The following NUP210 variants were observed in gnomAD, a reference collection of about 807,000 sequenced individuals.
The protein encoded by NUP210 is nucleoporin 210, also known as nuclear pore membrane glycoprotein 210.
In NUP210, 151 loss-of-function variants were observed where a neutral mutation model predicts 196.0. The observed-to-expected ratio is 0.77, with a 90% CI of 0.67 to 0.88. NUP210 has a LOEUF of 0.88. Among genes scored for constraint, NUP210 ranks in the 40% least tolerant of loss-of-function variants. NUP210 has a pLI of 0.00. For missense variants in NUP210, 2,314 were observed against 2,493.7 expected (o/e 0.93, Z 1.53); for synonymous variants, 1,070 against 1,052.7 (o/e 1.02, Z -0.32).
intron 29 of NUP210, 37 bp downstream of exon 29, chr3:13,332,256 G>T: frequency 6.4e-7 from 1 of 1,553,324 alleles, no homozygotes; most frequent in Non-Finnish European, 8.9e-7. Flanking sequence ...AAGCACAGCC[G>T]CACAACTTTG....
intron 15 of NUP210, among the ~76,000 whole-genome samples, chr3:13,358,889 C>T (rs1185938730): frequency 1.3e-5 from 2 of 152,230 alleles, no homozygotes; most frequent in East Asian, 1.9e-4. Flanking sequence ...AGGGCCTGCC[C>T]TCCGCCTGCT....
At position 13,338,022 on chromosome 3, in the gene NUP210, C is replaced by T. The variant is rs191632967; in HGVS notation, c.3472-105G>A. The T allele has an allele frequency of 4.2e-4, 433 of 1,019,978 alleles. 1 individual carries two copies. The highest frequency in any genetic ancestry group is 3.5e-3 in the East Asian group (136 of 38,410). 63.2% of individuals were successfully genotyped at this position (1,019,978 alleles called of 1,614,324 possible). ...GCAGGCTGCGGCTCAGAGTCTGTGG[C>T]GAGAAGGCCCCTCAGGATGACCAGC... On this transcript the variant is annotated intron_variant, in intron 25 of 39. Coordinates refer to ENST00000254508, the MANE Select transcript of NUP210 (RefSeq NM_024923.4).
Position 13,319,116 on chromosome 3 carries a change from G to C in NUP210, c.5519C>G (p.Pro1840Arg). 6 of 1,609,092 alleles carry C rather than the reference G, an allele frequency of 3.7e-6. No individual in the cohort carries two copies. The highest frequency in any genetic ancestry group is 5.1e-6 in the Non-Finnish European group (6 of 1,177,896). ...TVCTPRDLAV[P>R]AALTPRASPG... The stretch of plus-strand genomic sequence containing the variant: ...GCTGGCTCGAGGCGTGAGGGCTGCA[G>C]GCACAGCAAGATCCCGGGGCGTGCA... Residue 1840 changes from proline (P) to arginine (R), a missense_variant, in exon 39 of 40, where the codon CCT becomes CGT. Coordinates refer to ENST00000254508, the MANE Select transcript of NUP210 (RefSeq NM_024923.4).
Position 13,379,682 on chromosome 3 carries a change from T to C in NUP210, c.857A>G (p.Gln286Arg), listed in dbSNP as rs746638562. ...MPSDQYELQL[Q>R]NSIPGPEGDP... ...TCCTTCGGGGCCCGGGATGCTGTTC[T>C]GAAGCTGCAACTCGTACTGATCGGA... The change falls in exon 7 of 40, where the codon CAG becomes CGG. Residue 286 changes from glutamine (Q) to arginine (R), a missense_variant. Coordinates refer to ENST00000254508, the MANE Select transcript of NUP210 (RefSeq NM_024923.4). The surrounding 1 kb of genome is among the most constrained non-coding windows in gnomAD (Gnocchi z 4.2). The C allele has an allele frequency of 7.3e-5, 117 of 1,613,288 alleles. 1 individual carries two copies. The highest frequency in any genetic ancestry group is 8.6e-5 in the Non-Finnish European group (102 of 1,179,722).
Position 13,350,742 on chromosome 3 carries a change from G to A in NUP210, c.2835+1137C>T, listed in dbSNP as rs1485635823. Among the ~76,000 whole-genome samples, 5 of 146,404 alleles carry A rather than the reference G, an allele frequency of 3.4e-5. No homozygotes were observed. The Admixed American group carries it at 3.4e-4, about 10-fold the overall frequency. On this transcript the variant is annotated intron_variant, in intron 20 of 39. Transcript: ENST00000254508. This position sits in a 1 kb window ranked among gnomAD's most constrained non-coding sequence, Gnocchi z 4.1. ...GGAGTCTCGCCCCGTCGCCCAGGCT[G>A]GAGTGCAGTGGCGCAATCTTGGCTC... is the stretch of plus-strand genomic sequence containing the variant.
chr3:13,358,836 A>G (rs1252549578), intron 15 of NUP210, among the ~76,000 whole-genome samples: 1 of 152,214 alleles, frequency 6.6e-6, no homozygotes, highest in Admixed American at 6.5e-5. Flanking sequence ...ATCAGATAGG[A>G]GCTCTGCAGG....
chr3:13,363,885 G>A (rs1051298979), intron 14 of NUP210, among the ~76,000 whole-genome samples: 1 of 152,144 alleles, frequency 6.6e-6, no homozygotes, highest in African/African-American at 2.4e-5. Flanking sequence ...CAAACACCCT[G>A]ATAATCCAGA....
chr3:13,401,889 C>A (rs1437920735), intron 1 of NUP210, among the ~76,000 whole-genome samples: 1 of 150,194 alleles, frequency 6.7e-6, no homozygotes, highest in Non-Finnish European at 1.5e-5. Flanking sequence ...CCTAAAACTG[C>A]TTTAAAAAAA....
intron 20 of NUP210, 125 bp from the exon 21 acceptor site, chr3:13,343,428 G>A (rs1252729801): frequency 8.0e-7 from 1 of 1,253,692 alleles, no homozygotes; most frequent in African/African-American, 1.5e-5. Flanking sequence ...TGGGATGCCA[G>A]TGGCAGAGCC....
At chr3:13,390,309 G>T (rs920861830) in intron 4 of NUP210, among the ~76,000 whole-genome samples, 2 of 152,158 alleles carry the variant, frequency 1.3e-5, no homozygotes, top group East Asian at 1.9e-4. Context: ...GCCTAAAATT[G>T]CTGCAAAAGG....
Position 13,379,081 on chromosome 3 carries a change from G to T in NUP210, c.977-101C>A. 1 of 1,005,346 alleles carries T rather than the reference G, an allele frequency of 9.9e-7. No homozygotes were observed. Among genetic ancestry groups the T allele is most frequent in the Middle Eastern group, 2.0e-4 (1 of 4,924 alleles). 62.3% of individuals were successfully genotyped at this position (1,005,346 alleles called of 1,614,324 possible). A position where few individuals can be genotyped will look rare whatever the true frequency, so the allele number is the denominator to read the frequency against. ...AATCCTGATCATCAAGACATCACAT[G>T]GAGAGAAGAAGAGGGGATGAAAACT... is the stretch of plus-strand genomic sequence containing the variant. On this transcript the variant is annotated intron_variant, in intron 7 of 39. Coordinates refer to ENST00000254508, the MANE Select transcript of NUP210 (RefSeq NM_024923.4). The surrounding 1 kb of genome is among the most constrained non-coding windows in gnomAD (Gnocchi z 4.2).
intron 6 of NUP210, among the ~76,000 whole-genome samples, chr3:13,382,296 G>A (rs1049988774): frequency 6.6e-6 from 1 of 152,254 alleles, no homozygotes; most frequent in South Asian, 2.1e-4. Context: ...TGGAGACCAC[G>A]GCTCCCACTG....
intron 3 of NUP210, among the ~76,000 whole-genome samples, chr3:13,394,075 T>G (rs1241960274): frequency 1.3e-5 from 2 of 152,198 alleles, no homozygotes; most frequent in Non-Finnish European, 1.5e-5. Context: ...CAGGGGGCAC[T>G]GCAGAACTGA....
In NUP210 at chr3:13,360,469, G is replaced by A. The variant is rs1698334815; in HGVS notation, c.1955C>T (p.Ala652Val). ...PLKAVDPSSV[A>V]LVTLGSSKEM... is the part of the protein sequence containing the mutation. ...CTTTGAGGAGCCCAGGGTTACCAAG[G>A]CAACAGAGGAGGGATCCACAGCCTG... Residue 652 changes from alanine (A) to valine (V), a missense_variant, in exon 15 of 40, where the codon GCC (alanine) becomes GTC (valine). Physicochemically the swap from Ala to Val is moderately conservative, Grantham distance 64. Coordinates refer to ENST00000254508, the MANE Select transcript of NUP210 (RefSeq NM_024923.4). 6.2e-7 allele frequency: 1 copy of A among 1,611,654 alleles called. No individual in the cohort carries two copies. The highest frequency in any genetic ancestry group is 1.3e-5 in the African/African-American group (1 of 75,028).
chr3:13,362,370 C>T (rs1698399296), intron 14 of NUP210, among the ~76,000 whole-genome samples: 1 of 152,204 alleles, frequency 6.6e-6, no homozygotes, highest in African/African-American at 2.4e-5. Flanking sequence ...AGCATTTCAA[C>T]ATATGTATTT....
In NUP210 at chr3:13,420,179, C is replaced by A; in HGVS notation, c.48G>T (p.Leu16=). 2 of 1,245,684 alleles carry A rather than the reference C, an allele frequency of 1.6e-6. No individual in the cohort carries two copies. Among genetic ancestry groups the A allele is most frequent in the Non-Finnish European group, 2.0e-6 (2 of 977,494 alleles). The allele number at this position is 1,245,684 out of a possible 1,614,324, so 77.2% of individuals were successfully genotyped here. A position where few individuals can be genotyped will look rare whatever the true frequency, so the allele number is the denominator to read the frequency against. ...CAGCGGCGGAGGGGCCCGCCGCCAA[C>A]AGCACCGACAGCGTCAGCAGCAGCA... ...RGLLLLTLSV[L]LAAGPSAAAA... is the part of the protein sequence containing the mutation. The change falls in exon 1 of 40, where the codon CTG becomes CTT. Residue 16 remains leucine (L), a synonymous_variant. Transcript: ENST00000254508. The surrounding 1 kb of genome is among the most constrained non-coding windows in gnomAD (Gnocchi z 4.8).
At chr3:13,334,838 C>A (rs370599572) in intron 28 of NUP210, among the ~76,000 whole-genome samples, 1 of 152,196 alleles carries the variant, frequency 6.6e-6, no homozygotes. Flanking sequence ...AACCACTAGA[C>A]GCAGTCCTGA....
chr3:13,380,154 A>G (rs1271601406), intron 6 of NUP210, among the ~76,000 whole-genome samples: 1 of 152,164 alleles, frequency 6.6e-6, no homozygotes, highest in Non-Finnish European at 1.5e-5. Context: ...ATTGCCAACA[A>G]TGAACCCTGC....
chr3:13,374,537 C>G (rs1382697179), intron 11 of NUP210, among the ~76,000 whole-genome samples: 1 of 152,168 alleles, frequency 6.6e-6, no homozygotes, highest in Admixed American at 6.5e-5. Flanking sequence ...TGTCTCGTTT[C>G]TGTCCTCATA....
Sources: allele counts gnomAD v4.1 joint callset (sites outside exome capture counted in the v4.1 genomes callset), GRCh38; gene constraint gnomAD v4.1.1; non-coding constraint Gnocchi (gnomAD v3.1); transcripts MANE v1.5; gene names NCBI Gene and HGNC (gene_info 2026-07-23, HGNC 2026-07-21).